The following PLEKHM3 variants were observed in gnomAD, a reference collection of about 807,000 sequenced individuals.
PLEKHM3 encodes the protein pleckstrin homology domain-containing family M member 3.
A neutral mutation model predicts 81.8 loss-of-function variants in PLEKHM3; 45 were observed. The observed-to-expected ratio is 0.55, with a 90% CI of 0.43 to 0.71. PLEKHM3 has a LOEUF of 0.71. PLEKHM3 is among the 30% of genes least tolerant of loss of function. The probability of loss-of-function intolerance (pLI) is 0.00; values close to 1 mark genes in which losing one functional copy is unlikely to be tolerated. For missense variants in PLEKHM3, 788 were observed against 924.3 expected (o/e 0.85, Z 1.91); for synonymous variants, 352 against 356.4 (o/e 0.99, Z 0.14).
At chr2:207,888,478 C>A (rs192135426) in intron 6 of PLEKHM3, among the ~76,000 whole-genome samples, 3 of 152,238 alleles carry the variant, frequency 2.0e-5, no homozygotes, top group Admixed American at 2.0e-4. Flanking sequence ...CTCACTGCAA[C>A]CTCTGCCTCC....
intron 1 of PLEKHM3, among the ~76,000 whole-genome samples, chr2:208,011,844 C>G (rs1432559662): frequency 8.5e-6 from 1 of 118,088 alleles, no homozygotes; most frequent in Non-Finnish European, 1.6e-5. Flanking sequence ...GTTGCCCAGG[C>G]TAGAGTGCAA....
intron 7 of PLEKHM3, among the ~76,000 whole-genome samples, chr2:207,852,991 C>T (rs913190200): frequency 2.6e-5 from 4 of 152,150 alleles, no homozygotes; most frequent in Admixed American, 6.5e-5. Context: ...AGGTCCACCC[C>T]GCTACTGTGC....
chr2:207,837,490 C>A (rs1047868620), intron 7 of PLEKHM3, among the ~76,000 whole-genome samples: 5 of 151,970 alleles, frequency 3.3e-5, no homozygotes, highest in Admixed American at 6.6e-5. Context: ...GTCCCGGCTA[C>A]TTGGGAGCCT....
intron 3 of PLEKHM3, among the ~76,000 whole-genome samples, chr2:207,956,399 G>C (rs918782126): frequency 1.3e-5 from 2 of 152,008 alleles, no homozygotes; most frequent in Admixed American, 6.6e-5. Flanking sequence ...CCTGAACCCA[G>C]GAGGCGGAGG....
intron 6 of PLEKHM3, among the ~76,000 whole-genome samples, chr2:207,890,425 C>T (rs1021351503): frequency 1.3e-5 from 2 of 152,058 alleles, no homozygotes; most frequent in African/African-American, 4.8e-5. Flanking sequence ...GTCAGGAGTT[C>T]GAGACCAGCC....
chr2:207,970,743 A>T (rs1691091090), intron 3 of PLEKHM3, among the ~76,000 whole-genome samples: 1 of 152,188 alleles, frequency 6.6e-6, no homozygotes, highest in Non-Finnish European at 1.5e-5. Context: ...ATTATGTGCC[A>T]TTCAGAGAAG....
chr2:207,968,362 A>G (rs1264146061), intron 3 of PLEKHM3, among the ~76,000 whole-genome samples: 2 of 152,064 alleles, frequency 1.3e-5, no homozygotes, highest in East Asian at 3.9e-4. Context: ...TGTGGGAACT[A>G]ACGACAAAGT....
chr2:207,873,713 T>C (rs1318891831), intron 6 of PLEKHM3, among the ~76,000 whole-genome samples: 2 of 152,228 alleles, frequency 1.3e-5, no homozygotes, highest in African/African-American at 4.8e-5. Context: ...TCAGTTTTCC[T>C]GAAAACCTCT....
intron 1 of PLEKHM3, among the ~76,000 whole-genome samples, chr2:208,003,286 A>T (rs1287632167): frequency 2.0e-5 from 3 of 152,208 alleles, no homozygotes. Flanking sequence ...TCTTTTGTAA[A>T]TTGCCCAGTC....
chr2:207,903,344 C>T (rs79127973), intron 6 of PLEKHM3, among the ~76,000 whole-genome samples: 3 of 151,668 alleles, frequency 2.0e-5, no homozygotes, highest in African/African-American at 4.8e-5. Flanking sequence ...TGTGTGTGTG[C>T]GGGGGTGAGG....
intron 3 of PLEKHM3, among the ~76,000 whole-genome samples, chr2:207,961,316 A>G (rs567131770): frequency 3.9e-5 from 6 of 152,342 alleles, no homozygotes; most frequent in Non-Finnish European, 7.3e-5. Flanking sequence ...GATTTAAAAG[A>G]GAAGCAATTT....
intron 7 of PLEKHM3, among the ~76,000 whole-genome samples, chr2:207,854,192 A>G (rs1574337925): frequency 6.6e-6 from 1 of 152,234 alleles, no homozygotes; most frequent in African/African-American, 2.4e-5. Flanking sequence ...AGAATGGTCA[A>G]GGGTATGTGG....
chr2:207,938,623 A>G (rs1478306159), intron 4 of PLEKHM3, among the ~76,000 whole-genome samples: 1 of 152,234 alleles, frequency 6.6e-6, no homozygotes, highest in East Asian at 1.9e-4. Context: ...AATGGAATAT[A>G]GTTACTTAAT....
chr2:207,832,840 G>A (rs369541081), intron 7 of PLEKHM3, among the ~76,000 whole-genome samples: 1,618 of 135,000 alleles, frequency 0.012, 39 homozygotes, highest in African/African-American at 0.043. Context: ...GGCTGGGTGC[G>A]GTGGCTCATG....
At chr2:207,983,833 A>G (rs1484431181) in intron 2 of PLEKHM3, among the ~76,000 whole-genome samples, 1 of 152,024 alleles carries the variant, frequency 6.6e-6, no homozygotes, top group Non-Finnish European at 1.5e-5. Flanking sequence ...TTTTGCCACT[A>G]TTTCCTCTAT....
Position 207,976,041 on chromosome 2 carries a change from G to A in PLEKHM3, c.1546+610C>T, listed in dbSNP as rs1210519044. Among the ~76,000 whole-genome samples, 2 of 152,046 alleles carry A rather than the reference G, an allele frequency of 1.3e-5. No homozygotes were observed. Among genetic ancestry groups the A allele is most frequent in the Non-Finnish European group, 2.9e-5 (2 of 68,032 alleles). On this transcript the variant is annotated intron_variant, in intron 3 of 7. Transcript: ENST00000427836. This position sits in a 1 kb window ranked among gnomAD's most constrained non-coding sequence, Gnocchi z 4.1. ...CTTTGCATCTCATCCTTACATAGCA[G>A]TTCCAGAAGGCCTGGGCTTCCCCAT...
Position 207,921,841 on chromosome 2 carries a change from A to T in PLEKHM3, c.1886+9085T>A, listed in dbSNP as rs145375557. 1.5e-3 allele frequency among the ~76,000 whole-genome samples: 221 copies of T among 151,762 alleles called. 1 individual carries two copies. The highest frequency in any genetic ancestry group is 5.1e-3 in the African/African-American group (210 of 41,360). ...ATATTGCTGTGAATGACAGGATTTCACTCTTTTTTATGGCTGAATGGTACT... is the reference window on the plus strand; with the variant it reads ...ATATTGCTGTGAATGACAGGATTTCTCTCTTTTTTATGGCTGAATGGTACT... On this transcript the variant is annotated intron_variant, in intron 5 of 7. Transcript: ENST00000427836.
intron 5 of PLEKHM3, among the ~76,000 whole-genome samples, chr2:207,919,967 C>T (rs1390869614): frequency 3.9e-5 from 6 of 152,018 alleles, no homozygotes; most frequent in South Asian, 2.1e-4. Flanking sequence ...CACACACACA[C>T]GCACACACAC....
chr2:208,000,770 G>A (rs988839695), intron 2 of PLEKHM3, among the ~76,000 whole-genome samples: 1 of 152,038 alleles, frequency 6.6e-6, no homozygotes, highest in African/African-American at 2.4e-5. Flanking sequence ...AGAATTTACC[G>A]TAATTGTCTT....
Sources: gnomAD v4.1 joint callset for allele counts (sites outside exome capture counted in the v4.1 genomes callset) on GRCh38, gnomAD v4.1.1 for gene constraint, Gnocchi (gnomAD v3.1) non-coding constraint, MANE v1.5 for transcripts, NCBI Gene and HGNC (gene_info 2026-07-23, HGNC 2026-07-21) for gene names.